The following ADGRL2 variants were observed in gnomAD, a reference collection of about 807,000 sequenced individuals.
ADGRL2 encodes adhesion G protein-coupled receptor L2.
Under a neutral mutation model 157.4 loss-of-function variants are expected in ADGRL2, and 44 were observed. The observed-to-expected ratio is 0.28, with a 90% CI of 0.22 to 0.36. The LOEUF is 0.36. ADGRL2 is among the 10% of genes least tolerant of loss of function. ADGRL2 has a pLI of 1.00. For synonymous variants in ADGRL2, 585 were observed against 624.7 expected (o/e 0.94, Z 0.95); for missense variants, 1,510 against 1,768.9 (o/e 0.85, Z 2.63).
chr1:81,970,681 C>A (rs1269677006), intron 16 of ADGRL2, 147 bp downstream of exon 16: 5 of 537,248 alleles, frequency 9.3e-6, no homozygotes, highest in Non-Finnish European at 1.6e-5. Context: ...AAATTACAAT[C>A]AAGTCTTTTG....
At chr1:81,308,682 A>T (rs1659521101) in intron 1 of ADGRL2, among the ~76,000 whole-genome samples, 1 of 152,192 alleles carries the variant, frequency 6.6e-6, no homozygotes. Flanking sequence ...TTTCACAGAG[A>T]CTTATTTCAA....
At chr1:81,410,261 TA>T (rs1407630235) in intron 1 of ADGRL2, among the ~76,000 whole-genome samples, 3 of 152,220 alleles carry the variant, frequency 2.0e-5, no homozygotes, top group Admixed American at 6.5e-5. Context: ...CTTTAAAAAG[TA>T]AAGAGTTAAC....
chr1:81,418,306 A>T (rs1482674727), intron 1 of ADGRL2, among the ~76,000 whole-genome samples: 1 of 152,248 alleles, frequency 6.6e-6, no homozygotes, highest in Non-Finnish European at 1.5e-5. Context: ...CCTGGAAATC[A>T]TTATAATAAA....
At chr1:81,759,676 C>G (rs2085805896) in intron 1 of ADGRL2, among the ~76,000 whole-genome samples, 2 of 152,040 alleles carry the variant, frequency 1.3e-5, no homozygotes, top group African/African-American at 4.8e-5. Context: ...CATGCTTTTC[C>G]TTCTCATTAA....
At position 81,777,987 on chromosome 1, in the gene ADGRL2, A is replaced by T. The variant is rs142450434; in HGVS notation, c.-101+16135A>T. 3.0e-4 allele frequency among the ~76,000 whole-genome samples: 45 copies of T among 152,204 alleles called. 1 individual carries two copies. The highest frequency in any genetic ancestry group is 1.1e-3 in the African/African-American group (45 of 41,546). On this transcript the variant is annotated intron_variant, in intron 2 of 20. Coordinates refer to the ADGRL2 transcript ENST00000359929. The stretch of plus-strand genomic sequence containing the variant: ...CTGACACAGATTCATTAACATTGCC[A>T]TTGGGTACAATCATCAATCAGTTAT...
At position 81,981,973 on chromosome 1, in the gene ADGRL2, G is replaced by A; in HGVS notation, c.3279G>A (p.Lys1093=). Residue 1093 remains lysine, a synonymous_variant, in exon 19 of 24, where the codon AAG becomes AAA. Transcript: ENST00000686636. The stretch of plus-strand genomic sequence containing the variant: ...TCATCTTTCACTGTGCTCTCCAAAA[G>A]AAAGTAAGTAATTGAAAACACCTAG... ...FIFIFHCALQ[K]KVRKEYGKCF... is the part of the protein sequence containing the mutation. 2.5e-6 allele frequency: 4 copies of A among 1,610,706 alleles called. No individual in the cohort carries two copies. The highest frequency in any genetic ancestry group is 3.4e-6 in the Non-Finnish European group (4 of 1,178,270).
intron 2 of ADGRL2, among the ~76,000 whole-genome samples, chr1:81,532,262 T>C (rs2079618398): frequency 6.6e-6 from 1 of 152,134 alleles, no homozygotes; most frequent in Non-Finnish European, 1.5e-5. Flanking sequence ...TATACATAAT[T>C]GTCATTTTGT....
chr1:81,824,965 C>CTCTCTCTCTCTCTCTCTCTCTT (rs2091322529), intron 1 of ADGRL2, among the ~76,000 whole-genome samples: 1 of 139,840 alleles, frequency 7.2e-6, no homozygotes, highest in South Asian at 2.3e-4. Flanking sequence ...CTCTCTCTCT[C>CTCTCTCTCTCTCTCTCTCTCTT]TCTCTCTCTC....
At chr1:81,705,473 C>G (rs1435196892) in intron 1 of ADGRL2, among the ~76,000 whole-genome samples, 1 of 151,974 alleles carries the variant, frequency 6.6e-6, no homozygotes, top group Non-Finnish European at 1.5e-5. Context: ...GTCTCGAACC[C>G]CTGACCTCAG....
intron 1 of ADGRL2, among the ~76,000 whole-genome samples, chr1:81,415,010 C>A (rs905512619): frequency 6.6e-6 from 1 of 152,106 alleles, no homozygotes. Context: ...ACAATGCTAC[C>A]AACTGACAAC....
intron 2 of ADGRL2, among the ~76,000 whole-genome samples, chr1:81,476,472 G>A (rs750628870): frequency 1.3e-5 from 2 of 152,166 alleles, no homozygotes; most frequent in Non-Finnish European, 2.9e-5. Flanking sequence ...AAGAAACAAT[G>A]TCCCTTCTCC....
At chr1:81,447,773 CAT>C (rs1166258673) in intron 2 of ADGRL2, among the ~76,000 whole-genome samples, 1 of 152,136 alleles carries the variant, frequency 6.6e-6, no homozygotes, top group African/African-American at 2.4e-5. Context: ...GTATGCCTCT[CAT>C]ATGGTTTGTA....
intron 2 of ADGRL2, among the ~76,000 whole-genome samples, chr1:81,475,431 G>C (rs1163653980): frequency 6.6e-6 from 1 of 152,102 alleles, no homozygotes; most frequent in Admixed American, 6.5e-5. Flanking sequence ...GCCTTTAGGT[G>C]ACATAGGTGA....
At chr1:81,611,140 C>T (rs1350823194) in intron 3 of ADGRL2, among the ~76,000 whole-genome samples, 1 of 152,154 alleles carries the variant, frequency 6.6e-6, no homozygotes, top group African/African-American at 2.4e-5. Flanking sequence ...TAATCCTATC[C>T]TTCTTAAGAC....
intron 3 of ADGRL2, among the ~76,000 whole-genome samples, chr1:81,584,845 A>G (rs1167398841): frequency 2.0e-5 from 3 of 152,162 alleles, no homozygotes; most frequent in African/African-American, 7.2e-5. Context: ...ATTGCTGCTT[A>G]TAAACTCTAG....
chr1:81,782,504 T>A (rs1459234447), intron 2 of ADGRL2, among the ~76,000 whole-genome samples: 1 of 152,194 alleles, frequency 6.6e-6, no homozygotes, highest in East Asian at 1.9e-4. Context: ...TAGTAATAGA[T>A]GTTAGTTACA....
At chr1:81,654,028 C>T (rs147382567) in intron 3 of ADGRL2, among the ~76,000 whole-genome samples, 156 of 152,254 alleles carry the variant, frequency 1.0e-3, no homozygotes, top group African/African-American at 3.4e-3. Flanking sequence ...TCACTGCAAC[C>T]TCCATCCCCC....
rs542170967 is a variant in ADGRL2 at position 81,667,490 on chromosome 1, C to T, written c.-143+86510C>T. Among the ~76,000 whole-genome samples the T allele has an allele frequency of 9.2e-5, 14 of 152,286 alleles. No individual in the cohort carries two copies. The South Asian group carries it at 2.7e-3, about 29-fold the overall frequency. ...AAGACAGTTTTATAGTGCTACATAA[C>T]AGCTATTGACTAAAGAACTTAGCTG... On this transcript the variant is annotated intron_variant, in intron 3 of 24. Transcript: ENST00000370721.
At chr1:81,659,001 C>T (rs1288615099) in intron 3 of ADGRL2, among the ~76,000 whole-genome samples, 2 of 151,146 alleles carry the variant, frequency 1.3e-5, no homozygotes, top group Non-Finnish European at 2.9e-5. Context: ...ATCCACCCAC[C>T]TTGGCCTCCC....
Sources: allele counts gnomAD v4.1 joint callset (sites outside exome capture counted in the v4.1 genomes callset), GRCh38; gene constraint gnomAD v4.1.1; transcripts MANE v1.5; gene names NCBI Gene and HGNC (gene_info 2026-07-23, HGNC 2026-07-21).